TANGO6: variants seen among roughly 807,000 people sequenced by gnomAD.
TANGO6 encodes the protein transport and Golgi organization protein 6 homolog.
Under a neutral mutation model 114.2 loss-of-function variants are expected in TANGO6, and 90 were observed. The ratio of observed to expected loss-of-function variants is 0.79; its 90% confidence interval spans 0.66 to 0.94. TANGO6 has a LOEUF of 0.94. TANGO6 is among the 40% of genes least tolerant of loss of function. The pLI is 0.00. For missense variants in TANGO6, 1,274 were observed against 1,315.3 expected (o/e 0.97, Z 0.49); for synonymous variants, 477 against 509.8 (o/e 0.94, Z 0.87).
chr16:69,066,208 G>A (rs926574274), intron 17 of TANGO6, among the ~76,000 whole-genome samples: 6 of 152,116 alleles, frequency 3.9e-5, no homozygotes, highest in African/African-American at 1.4e-4. Flanking sequence ...CATCTGCCCA[G>A]CCACTCTGCC....
chr16:69,017,794 T>C (rs1394859682), intron 15 of TANGO6, among the ~76,000 whole-genome samples: 1 of 152,094 alleles, frequency 6.6e-6, no homozygotes, highest in African/African-American at 2.4e-5. Context: ...TCTCTAACTC[T>C]GGATCCTCAT....
intron 15 of TANGO6, among the ~76,000 whole-genome samples, chr16:68,988,535 A>G (rs1178598892): frequency 6.6e-6 from 1 of 152,134 alleles, no homozygotes; most frequent in Non-Finnish European, 1.5e-5. Flanking sequence ...TTTTTAATAG[A>G]AAAAAATCCT....
Position 69,019,755 on chromosome 16 carries a change from C to T in TANGO6, c.2843-3073C>T, listed in dbSNP as rs573251677. Reference sequence around the variant, plus strand: ...CTATCCCTATGTTGCCCAGGCTGGTCTCAAACTCCTGGGCTCAAGCAATCC... The same window carrying T: ...CTATCCCTATGTTGCCCAGGCTGGTTTCAAACTCCTGGGCTCAAGCAATCC... On this transcript the variant is annotated intron_variant, in intron 15 of 17. Transcript: ENST00000261778. Among the ~76,000 whole-genome samples the T allele has an allele frequency of 7.2e-5, 11 of 152,274 alleles. No individual in the cohort carries two copies. The East Asian group carries it at 1.9e-3, about 27-fold the overall frequency.
In TANGO6 at chr16:69,067,518, C is replaced by CAAAAAAAAAAAAAAAAAAAAAAAAAAAAA. The variant is rs1199698790; in HGVS notation, c.3109-15948_3109-15947insAAAAAAAAAAAAAAAAAAAAAAAAAAAAA. Among the ~76,000 whole-genome samples the CAAAAAAAAAAAAAAAAAAAAAAAAAAAAA allele has an allele frequency of 4.6e-5, 2 of 43,712 alleles. 1 individual carries two copies. The highest frequency in any genetic ancestry group is 8.2e-5 in the Non-Finnish European group (2 of 24,334). 28.7% of individuals were successfully genotyped at this position (43,712 alleles called of 152,430 possible). A position where few individuals can be genotyped will look rare whatever the true frequency, so the allele number is the denominator to read the frequency against. ...AGGCAACAAGAGCAAAACTCCATCT[C>CAAAAAAAAAAAAAAAAAAAAAAAAAAAAA]AAAAAAAAAAAAAAAAAAACGCTGG... On this transcript the variant is annotated intron_variant, in intron 17 of 17. Coordinates refer to ENST00000261778, the MANE Select transcript of TANGO6 (RefSeq NM_024562.2).
At position 68,927,415 on chromosome 16, in the gene TANGO6, G is replaced by A. The variant is rs1473857396; in HGVS notation, c.2128-153G>A. 8.5e-6 allele frequency: 6 copies of A among 704,670 alleles called. No homozygotes were observed. The East Asian group carries it at 1.3e-4, about 16-fold the overall frequency. The allele number at this position is 704,670 out of a possible 1,614,324, so 43.7% of individuals were successfully genotyped here. A position where few individuals can be genotyped will look rare whatever the true frequency, so the allele number is the denominator to read the frequency against. On this transcript the variant is annotated intron_variant, in intron 12 of 17. Coordinates refer to ENST00000261778, the MANE Select transcript of TANGO6 (RefSeq NM_024562.2). The stretch of plus-strand genomic sequence containing the variant: ...GTTAGGTATGATTATTCAACAAATG[G>A]TATTCAGTGCTGGACCCAGGCAATA...
At chr16:68,881,119 T>C (rs542348965) in intron 7 of TANGO6, among the ~76,000 whole-genome samples, 5 of 152,348 alleles carry the variant, frequency 3.3e-5, no homozygotes, top group Non-Finnish European at 7.3e-5. Flanking sequence ...AAAACTGATA[T>C]ATTTTTGAAA....
At chr16:69,001,707 A>G (rs1041104652) in intron 15 of TANGO6, among the ~76,000 whole-genome samples, 20 of 152,198 alleles carry the variant, frequency 1.3e-4, no homozygotes, top group Non-Finnish European at 8.8e-5. Context: ...AAGGAACACC[A>G]TGGGACCAGA....
chr16:68,928,036 G>T lies in TANGO6; in HGVS notation c.2596G>T (p.Glu866Ter). ...CCTGCGTACTCTTTCCCACTGGATA[G>T]AGCAGAGAGAAGCAAAAGCCCTTGA... ...AALRTLSHWI[E>*]QREAKALEMQ... Residue 866 changes from glutamate to a stop codon, truncating the protein, a stop_gained, in exon 13 of 18, where the codon GAG becomes TAG. Coordinates refer to ENST00000261778, the MANE Select transcript of TANGO6 (RefSeq NM_024562.2). LOFTEE classifies it high-confidence loss of function. The T allele has an allele frequency of 6.2e-7, 1 of 1,601,740 alleles. No individual in the cohort carries two copies. The highest frequency in any genetic ancestry group is 1.1e-5 in the South Asian group (1 of 88,864).
intron 7 of TANGO6, among the ~76,000 whole-genome samples, chr16:68,895,656 G>A (rs1321422687): frequency 6.6e-6 from 1 of 152,206 alleles, no homozygotes. Context: ...ATGAGTGAGT[G>A]AATGAATGAA....
chr16:69,067,141 C>T (rs377024094), intron 17 of TANGO6, among the ~76,000 whole-genome samples: 1 of 152,150 alleles, frequency 6.6e-6, no homozygotes, highest in East Asian at 1.9e-4. Context: ...AAGCAATCCT[C>T]TCACCTTTAC....
In TANGO6 at chr16:68,859,912, A is replaced by G. The variant is rs1962062929; in HGVS notation, c.123A>G (p.Thr41=). The change falls in exon 2 of 18, where the codon ACA becomes ACG. Residue 41 remains threonine, a synonymous_variant. Transcript: ENST00000261778. ...GGSGSSSLQV[T]KHDVLLATLK... is the part of the protein sequence containing the mutation. ...CGGGCTCAAGTTCACTACAGGTCACAAAACATGATGTCTTGTTGGCTACTT... is the reference window on the plus strand; with the variant it reads ...CGGGCTCAAGTTCACTACAGGTCACGAAACATGATGTCTTGTTGGCTACTT... 2.5e-6 allele frequency: 4 copies of G among 1,594,614 alleles called. No individual in the cohort carries two copies. In the African/African-American group the frequency reaches 5.4e-5, roughly 22 times the overall value.
At chr16:68,995,984 A>C (rs1963985951) in intron 15 of TANGO6, among the ~76,000 whole-genome samples, 1 of 152,206 alleles carries the variant, frequency 6.6e-6, no homozygotes, top group Admixed American at 6.5e-5. Context: ...AGTATTTTGC[A>C]GATAAAGAGG....
chr16:69,054,858 G>A (rs1213336867), intron 17 of TANGO6, among the ~76,000 whole-genome samples: 5 of 149,876 alleles, frequency 3.3e-5, no homozygotes, highest in Admixed American at 2.0e-4. Flanking sequence ...GGAGAATGGC[G>A]TGAACCCGGG....
chr16:68,914,120 G>A (rs1962966202), intron 11 of TANGO6, among the ~76,000 whole-genome samples: 1 of 152,170 alleles, frequency 6.6e-6, no homozygotes, highest in African/African-American at 2.4e-5. Context: ...GTTAATACCT[G>A]TAACATGTTC....
rs140838763 is a variant in TANGO6 at position 69,044,806 on chromosome 16, C to T, written c.3108+4385C>T. On this transcript the variant is annotated intron_variant, in intron 17 of 17. Transcript: ENST00000261778. ...GCTGAGGCACGAGATTGCTTGAGCT[C>T]AGGAGTTCAAGACCAGCCAGGGCTA... Among the ~76,000 whole-genome samples, 7 of 152,194 alleles carry T rather than the reference C, an allele frequency of 4.6e-5. No homozygotes were observed. In the East Asian group the frequency reaches 9.6e-4, roughly 21 times the overall value.
intron 14 of TANGO6, among the ~76,000 whole-genome samples, chr16:68,953,837 A>G: frequency 6.6e-6 from 1 of 152,318 alleles, no homozygotes; most frequent in Admixed American, 6.5e-5. Flanking sequence ...ATTAAGATGT[A>G]TTTAATTGCT....
At chr16:68,933,036 G>A (rs1034061815) in intron 14 of TANGO6, among the ~76,000 whole-genome samples, 9 of 152,126 alleles carry the variant, frequency 5.9e-5, no homozygotes, top group African/African-American at 1.9e-4. Context: ...TCACTATTAC[G>A]TCTACTGTTG....
chr16:69,018,170 GTCTC>G (rs1248597980), intron 15 of TANGO6, among the ~76,000 whole-genome samples: 2 of 102,150 alleles, frequency 2.0e-5, no homozygotes, highest in Non-Finnish European at 3.9e-5. Flanking sequence ...TTGAGACAGA[GTCTC>G]TCTCTGTCGC....
At chr16:69,001,365 T>C (rs1410950153) in intron 15 of TANGO6, among the ~76,000 whole-genome samples, 1 of 152,238 alleles carries the variant, frequency 6.6e-6, no homozygotes, top group African/African-American at 2.4e-5. Flanking sequence ...TTACCAGTAA[T>C]CTTTAAACTC....
Sources: gnomAD v4.1 joint callset for allele counts (sites outside exome capture counted in the v4.1 genomes callset) on GRCh38, gnomAD v4.1.1 for gene constraint, MANE v1.5 for transcripts, NCBI Gene and HGNC (gene_info 2026-07-23, HGNC 2026-07-21) for gene names.